The following CD47 variants were observed in gnomAD, a reference collection of about 807,000 sequenced individuals.
CD47 encodes leukocyte surface antigen CD47.
CD47 carries 11 observed loss-of-function variants against 44.6 expected under a neutral mutation model. The ratio of observed to expected loss-of-function variants is 0.25; its 90% CI spans 0.16 to 0.41. The LOEUF (loss-of-function observed/expected upper bound fraction) is 0.41. CD47 is among the 10% of genes least tolerant of loss of function. CD47 has a pLI of 1.00. For synonymous variants in CD47, 140 were observed against 136.3 expected (o/e 1.03, Z -0.19); for missense variants, 306 against 386.7 (o/e 0.79, Z 1.75).
chr3:108,080,284 G>C lies in CD47; in HGVS notation c.107C>G (p.Thr36Ser), dbSNP rs757872791. The C allele has an allele frequency of 6.8e-6, 11 of 1,611,410 alleles. No individual in the cohort carries two copies. Among genetic ancestry groups the C allele is most frequent in the Non-Finnish European group, 9.3e-6 (11 of 1,177,978 alleles). Reference protein sequence around the residue: ...KSVEFTFCNDTVVIPCFVTNM... With the variant: ...KSVEFTFCNDSVVIPCFVTNM... ...AGTAACAAAGCATGGAATGACGACA[G>C]TGTCATTACAAAACGTGAATTCTAC... is the stretch of plus-strand genomic sequence containing the variant. Residue 36 changes from threonine (T) to serine (S), a missense_variant, in exon 2 of 11, where the codon ACT becomes AGT. Physicochemically the swap from Thr to Ser is moderately conservative, Grantham distance 58. This residue lies in a region of CD47 where 38 missense variants were observed against 42.7 expected (regional missense o/e 0.89). Coordinates refer to ENST00000361309, the MANE Select transcript of CD47 (RefSeq NM_001777.4).
chr3:108,059,328 A>T, intron 5 of CD47, 124 bp downstream of exon 5: 1 of 465,354 alleles, frequency 2.1e-6, no homozygotes, highest in Non-Finnish European at 3.9e-6. Context: ...GAATAGCATG[A>T]AAAATCTTTT....
intron 1 of CD47, among the ~76,000 whole-genome samples, chr3:108,087,341 T>C (rs568569572): frequency 6.6e-6 from 1 of 151,984 alleles, no homozygotes; most frequent in South Asian, 2.1e-4. Flanking sequence ...CCCAACGCAA[T>C]CCCCCTAATG....
intron 3 of CD47, among the ~76,000 whole-genome samples, chr3:108,061,949 T>A (rs2079022155): frequency 2.0e-5 from 3 of 152,200 alleles, no homozygotes; most frequent in Admixed American, 2.0e-4. Context: ...AGCCCCTAAA[T>A]GATTGTGATA....
At position 108,080,101 on chromosome 3, in the gene CD47, G is replaced by A; in HGVS notation, c.290C>T (p.Ser97Phe). 6.2e-7 allele frequency: 1 copy of A among 1,613,030 alleles called. No homozygotes were observed. The highest frequency in any genetic ancestry group is 1.7e-5 in the Admixed American group (1 of 59,976). The change falls in exon 2 of 11, where the codon TCT becomes TTT. Residue 97 changes from serine (S) to phenylalanine (F), a missense_variant. By Grantham distance (155) the Ser-to-Phe change is radical. Coordinates refer to ENST00000361309, the MANE Select transcript of CD47 (RefSeq NM_001777.4). ...AGCATCACTCTTATCCATCTTCAAAGAGGCATCTCCTTTTAGTAATTGTGA... is the reference window on the plus strand; with the variant it reads ...AGCATCACTCTTATCCATCTTCAAAAAGGCATCTCCTTTTAGTAATTGTGA... ...EVSQLLKGDA[S>F]LKMDKSDAVS...
In CD47 at chr3:108,044,949, A is replaced by G. The variant is rs973393519; in HGVS notation, c.*2339T>C. ...CATGATGTGCAAAACACTGTCTGCA[A>G]TTTAAATGTGATGTGATGGAATTTG... On this transcript the variant is annotated 3_prime_UTR_variant, in exon 11 of 11. Coordinates refer to ENST00000361309, the MANE Select transcript of CD47 (RefSeq NM_001777.4). 6 of 152,638 alleles carry G rather than the reference A, an allele frequency of 3.9e-5. No homozygotes were observed. Among genetic ancestry groups the G allele is most frequent in the African/African-American group, 1.4e-4 (6 of 41,454 alleles). The allele number at this position is 152,638 out of a possible 1,614,324, so 9.5% of individuals were successfully genotyped here.
rs1211582458 is a variant in CD47 at position 108,090,965 on chromosome 3, C to T, written c.-57G>A. 1.5e-5 allele frequency: 20 copies of T among 1,316,824 alleles called. No individual in the cohort carries two copies. In the East Asian group the frequency reaches 5.4e-4, roughly 36 times the overall value. 81.6% of individuals were successfully genotyped at this position (1,316,824 alleles called of 1,614,324 possible). A position where few individuals can be genotyped will look rare whatever the true frequency, so the allele number is the denominator to read the frequency against. The stretch of plus-strand genomic sequence containing the variant: ...CCGCAGGTGTCCGGAGCAGCAGCCG[C>T]CGCCGCCGTTACAGGCAGGACCGAC... On this transcript the variant is annotated 5_prime_UTR_variant, in exon 1 of 11. Transcript: ENST00000361309.
intron 3 of CD47, among the ~76,000 whole-genome samples, chr3:108,068,242 T>C (rs2079137434): frequency 6.6e-6 from 1 of 152,200 alleles, no homozygotes. Flanking sequence ...ACAGAGGCAC[T>C]AACAGAAAAG....
Position 108,043,814 on chromosome 3 carries a change from CA to C in CD47, c.*3473del. 1 of 152,646 alleles carries C rather than the reference CA, an allele frequency of 6.6e-6. No individual in the cohort carries two copies. Among genetic ancestry groups the C allele is most frequent in the Non-Finnish European group, 1.5e-5 (1 of 67,998 alleles). 9.5% of individuals were successfully genotyped at this position (152,646 alleles called of 1,614,324 possible). A position where few individuals can be genotyped will look rare whatever the true frequency, so the allele number is the denominator to read the frequency against. ...AGAAATTTATGAGAAAGCTGGTCTT[CA>C]ATGATCTTAATTAAGAACTGTCAAA... On this transcript the variant is annotated 3_prime_UTR_variant, in exon 11 of 11. Coordinates refer to ENST00000361309, the MANE Select transcript of CD47 (RefSeq NM_001777.4).
rs2289079 is a variant in CD47 at position 108,079,731 on chromosome 3, G to C, written c.400+260C>G. Among the ~76,000 whole-genome samples, 22,684 of 151,690 alleles carry C rather than the reference G, an allele frequency of 0.15. 1,986 individuals carry two copies. The highest frequency in any genetic ancestry group is 0.2 in the Non-Finnish European group (13,390 of 67,748). On this transcript the variant is annotated intron_variant, in intron 2 of 10. Coordinates refer to ENST00000361309, the MANE Select transcript of CD47 (RefSeq NM_001777.4). Reference sequence around the variant, plus strand: ...AATCAGCCAAATAAAATGGTCCTTAGACCAAAAGTTTGAGAACCACACAAT... The same window carrying C: ...AATCAGCCAAATAAAATGGTCCTTACACCAAAAGTTTGAGAACCACACAAT...
At chr3:108,080,428 A>C (rs2079395253) in intron 1 of CD47, 84 bp from the exon 2 acceptor site, 2 of 686,738 alleles carry the variant, frequency 2.9e-6, no homozygotes, top group Admixed American at 5.7e-5. Flanking sequence ...CCTTAAGATA[A>C]ACAGCAACAT....
chr3:108,047,715 A>G (rs780075568), intron 10 of CD47, among the ~76,000 whole-genome samples: 1 of 152,210 alleles, frequency 6.6e-6, no homozygotes, highest in Non-Finnish European at 1.5e-5. Flanking sequence ...AGCACCCTGA[A>G]CCTCATTCAT....
At chr3:108,047,316 A>G in intron 10 of CD47, 24 bp from the exon 11 acceptor site, 1 of 1,586,038 alleles carries the variant, frequency 6.3e-7, no homozygotes, top group Non-Finnish European at 8.6e-7. Context: ...AAATGAACAC[A>G]TAATCACTAT....
intron 2 of CD47, among the ~76,000 whole-genome samples, chr3:108,077,658 A>T (rs572994653): frequency 1.3e-5 from 2 of 152,254 alleles, no homozygotes; most frequent in Admixed American, 1.3e-4. Flanking sequence ...GTCCTACTAT[A>T]GGTAAGTGGT....
chr3:108,076,396 T>C (rs1211010795), intron 2 of CD47, among the ~76,000 whole-genome samples: 3 of 152,196 alleles, frequency 2.0e-5, no homozygotes, highest in East Asian at 3.8e-4. Context: ...AGTTTTTGTA[T>C]TGCTAATAGA....
chr3:108,060,062 C>T (rs1383129327), intron 4 of CD47, among the ~76,000 whole-genome samples: 1 of 152,178 alleles, frequency 6.6e-6, no homozygotes, highest in Non-Finnish European at 1.5e-5. Context: ...GCTACATATC[C>T]TCATTTCCCA....
intron 2 of CD47, among the ~76,000 whole-genome samples, chr3:108,071,944 T>C (rs753187328): frequency 4.6e-5 from 7 of 152,188 alleles, no homozygotes; most frequent in Non-Finnish European, 7.4e-5. Context: ...ATATGTAAAG[T>C]AAGATGAGTG....
rs2079513236 is a variant in CD47 at position 108,085,958 on chromosome 3, T to C, written c.46+4905A>G. ...TCACTTGTATGGTTGGATAGAAAAGTTCCTTAAAAATCACAAGAATGTGTC... is the reference window on the plus strand; with the variant it reads ...TCACTTGTATGGTTGGATAGAAAAGCTCCTTAAAAATCACAAGAATGTGTC... On this transcript the variant is annotated intron_variant, in intron 1 of 10. Transcript: ENST00000361309. Among the ~76,000 whole-genome samples, 5 of 152,244 alleles carry C rather than the reference T, an allele frequency of 3.3e-5. No homozygotes were observed. The South Asian group carries it at 1.0e-3, about 32-fold the overall frequency.
chr3:108,076,098 T>C (rs1206677664), intron 2 of CD47, among the ~76,000 whole-genome samples: 1 of 152,212 alleles, frequency 6.6e-6, no homozygotes, highest in African/African-American at 2.4e-5. Context: ...AACACCTTGA[T>C]TTTAGTCTTT....
chr3:108,070,606 GC>G (rs1387670334), intron 3 of CD47, among the ~76,000 whole-genome samples: 1 of 152,144 alleles, frequency 6.6e-6, no homozygotes, highest in Non-Finnish European at 1.5e-5. Flanking sequence ...AGAACTGCAC[GC>G]AGAGGATGAC....
Sources: allele counts gnomAD v4.1 joint callset (sites outside exome capture counted in the v4.1 genomes callset), GRCh38; gene constraint gnomAD v4.1.1; regional missense constraint gnomAD v4.1.1; transcripts MANE v1.5; gene names NCBI Gene and HGNC (gene_info 2026-07-23, HGNC 2026-07-21).